The following HS6ST3 variants were observed in gnomAD, a reference collection of about 807,000 sequenced individuals.
HS6ST3 encodes the protein heparan-sulfate 6-O-sulfotransferase 3.
In HS6ST3, 12 loss-of-function variants were observed where a neutral mutation model predicts 36.7. The observed-to-expected ratio is 0.33, with a 90% CI of 0.21 to 0.53. The LOEUF (loss-of-function observed/expected upper bound fraction) is 0.53. HS6ST3 is among the 20% of genes least tolerant of loss of function. HS6ST3 has a pLI of 0.95. For missense variants in HS6ST3, 584 were observed against 640.9 expected (o/e 0.91, Z 0.96); for synonymous variants, 240 against 257.5 (o/e 0.93, Z 0.65).
intron 1 of HS6ST3, among the ~76,000 whole-genome samples, chr13:96,552,401 T>C (rs1380712553): frequency 6.6e-6 from 1 of 152,202 alleles, no homozygotes; most frequent in Non-Finnish European, 1.5e-5. Context: ...CACGCTGTTC[T>C]GGGTGTTTCT....
chr13:96,175,868 T>A (rs1266808848), intron 1 of HS6ST3, among the ~76,000 whole-genome samples: 1 of 152,042 alleles, frequency 6.6e-6, no homozygotes, highest in Non-Finnish European at 1.5e-5. Context: ...GGAGTCTTGC[T>A]CTGTTGCCCA....
intron 1 of HS6ST3, among the ~76,000 whole-genome samples, chr13:96,340,347 C>T (rs531506046): frequency 1.3e-5 from 2 of 152,192 alleles, no homozygotes; most frequent in African/African-American, 4.8e-5. Context: ...AGATGGGCCT[C>T]GCTCTGTCAT....
intron 1 of HS6ST3, among the ~76,000 whole-genome samples, chr13:96,292,210 ATGTGTG>A (rs4001473): frequency 0.012 from 1,805 of 149,896 alleles, 35 homozygotes; most frequent in African/African-American, 0.041. Flanking sequence ...TTTAGAGTAA[ATGTGTG>A]TGTGTGTGTG....
chr13:96,640,057 A>G (rs1464885439), intron 1 of HS6ST3, among the ~76,000 whole-genome samples: 1 of 151,656 alleles, frequency 6.6e-6, no homozygotes, highest in African/African-American at 2.4e-5. Flanking sequence ...AGAATGATTT[A>G]TTTTGGTGGG....
chr13:96,404,214 AT>A (rs1370059354), intron 1 of HS6ST3, among the ~76,000 whole-genome samples: 3 of 152,138 alleles, frequency 2.0e-5, no homozygotes, highest in Non-Finnish European at 4.4e-5. Flanking sequence ...TTTAAATCAC[AT>A]TTTATTTTTG....
At chr13:96,443,065 T>G (rs1231802085) in intron 1 of HS6ST3, among the ~76,000 whole-genome samples, 1 of 151,974 alleles carries the variant, frequency 6.6e-6, no homozygotes, top group Non-Finnish European at 1.5e-5. Context: ...AAAACATCAT[T>G]TAAAATAGCA....
intron 1 of HS6ST3, among the ~76,000 whole-genome samples, chr13:96,582,954 C>T (rs1253230855): frequency 5.9e-5 from 9 of 151,860 alleles, no homozygotes; most frequent in Admixed American, 4.6e-4. Context: ...AAAAATTATT[C>T]GTTGTTCATC....
At chr13:96,303,969 C>T (rs2054896136) in intron 1 of HS6ST3, among the ~76,000 whole-genome samples, 1 of 151,798 alleles carries the variant, frequency 6.6e-6, no homozygotes, top group South Asian at 2.1e-4. Context: ...ATGGCAAAAC[C>T]CCATCTTTAC....
At chr13:96,574,728 G>T (rs556537137) in intron 1 of HS6ST3, among the ~76,000 whole-genome samples, 63 of 152,276 alleles carry the variant, frequency 4.1e-4, no homozygotes, top group Non-Finnish European at 8.1e-4. Context: ...TTAGTATGAG[G>T]TTCTGGTGGA....
chr13:96,116,919 A>G (rs1189948359), intron 1 of HS6ST3, among the ~76,000 whole-genome samples: 1 of 152,118 alleles, frequency 6.6e-6, no homozygotes. Context: ...ATTTATATGA[A>G]GTAAGGGGAA....
At chr13:96,656,216 C>A (rs1052005154) in intron 1 of HS6ST3, among the ~76,000 whole-genome samples, 1 of 152,058 alleles carries the variant, frequency 6.6e-6, no homozygotes, top group Admixed American at 6.6e-5. Flanking sequence ...AGTCTAGATT[C>A]CAAGTCTAAA....
intron 1 of HS6ST3, among the ~76,000 whole-genome samples, chr13:96,429,651 G>T (rs1250391825): frequency 6.6e-6 from 1 of 152,172 alleles, no homozygotes; most frequent in Non-Finnish European, 1.5e-5. Context: ...GAAGTCCAGA[G>T]AAATTATATT....
At chr13:96,155,010 G>GTATTTTAGAT (rs2054103825) in intron 1 of HS6ST3, among the ~76,000 whole-genome samples, 1 of 151,994 alleles carries the variant, frequency 6.6e-6, no homozygotes, top group Admixed American at 6.6e-5. Context: ...AAATTATGCA[G>GTATTTTAGAT]ACTAGATAGA....
At position 96,693,945 on chromosome 13, in the gene HS6ST3, A is replaced by T. The variant is rs563624475; in HGVS notation, c.708-138545A>T. On this transcript the variant is annotated intron_variant, in intron 1 of 1. Transcript: ENST00000376705. ...AGACCTAAAACTTCAAAGGCAGCTG[A>T]GCTTGAGCAGTCATTTCCTTCTTAT... 2.6e-5 allele frequency among the ~76,000 whole-genome samples: 4 copies of T among 152,284 alleles called. No homozygotes were observed. In the South Asian group the frequency reaches 8.3e-4, roughly 32 times the overall value.
intron 1 of HS6ST3, among the ~76,000 whole-genome samples, chr13:96,519,001 A>G (rs2056083218): frequency 6.6e-6 from 1 of 152,226 alleles, no homozygotes; most frequent in Non-Finnish European, 1.5e-5. Context: ...AAATGACTTT[A>G]GAATAGTTAG....
At chr13:96,831,968 A>AAAAAAAAAAAAAAAAAAAAAC (rs1878800973) in intron 1 of HS6ST3, among the ~76,000 whole-genome samples, 1 of 147,482 alleles carries the variant, frequency 6.8e-6, no homozygotes, top group Non-Finnish European at 1.5e-5. Flanking sequence ...AAAAAAAAAA[A>AAAAAAAAAAAAAAAAAAAAAC]AAAAAAAAAA....
chr13:96,598,239 G>A (rs1169590405), intron 1 of HS6ST3, among the ~76,000 whole-genome samples: 1 of 152,030 alleles, frequency 6.6e-6, no homozygotes, highest in Admixed American at 6.6e-5. Flanking sequence ...GATAGGAATT[G>A]CGTTGAAACT....
At chr13:96,681,806 A>G (rs1566428433) in intron 1 of HS6ST3, among the ~76,000 whole-genome samples, 2 of 152,122 alleles carry the variant, frequency 1.3e-5, no homozygotes, top group Non-Finnish European at 2.9e-5. Context: ...TGCTGAACTT[A>G]TGGCCATTTA....
intron 1 of HS6ST3, among the ~76,000 whole-genome samples, chr13:96,248,721 A>G (rs1276837708): frequency 6.6e-6 from 1 of 152,224 alleles, no homozygotes; most frequent in African/African-American, 2.4e-5. Context: ...AGTTGGGAAC[A>G]TATTAATTTT....
Sources: gnomAD v4.1 joint callset for allele counts (sites outside exome capture counted in the v4.1 genomes callset) on GRCh38, gnomAD v4.1.1 for gene constraint, MANE v1.5 for transcripts, NCBI Gene and HGNC (gene_info 2026-07-23, HGNC 2026-07-21) for gene names.